Variants in ZMYND11 observed in about 807,000 individuals in gnomAD.
ZMYND11 encodes zinc finger MYND domain-containing protein 11.
In ZMYND11, 9 loss-of-function variants were observed where a neutral mutation model predicts 84.9. The observed-to-expected ratio is 0.11, with a 90% CI of 0.06 to 0.18. ZMYND11 has a LOEUF of 0.18. ZMYND11 is among the 10% of genes least tolerant of loss of function. The probability of loss-of-function intolerance (pLI) is 1.00; values close to 1 mark genes in which losing one functional copy is unlikely to be tolerated. For synonymous variants in ZMYND11, 250 were observed against 244.1 expected (o/e 1.02, Z -0.23); for missense variants, 409 against 761.0 (o/e 0.54, Z 5.44).
intron 1 of ZMYND11, among the ~76,000 whole-genome samples, chr10:147,580 A>C (rs1839201509): frequency 6.6e-6 from 1 of 151,018 alleles, no homozygotes; most frequent in Admixed American, 6.6e-5. Context: ...TTTAGTTCCA[A>C]GCCTCAGAAA....
At chr10:234,209 G>T (rs367591494) in intron 4 of ZMYND11, among the ~76,000 whole-genome samples, 1 of 152,210 alleles carries the variant, frequency 6.6e-6, no homozygotes, top group South Asian at 2.1e-4. Context: ...ACGTGAAAGC[G>T]CAGAAAGGAA....
chr10:173,035 GAAAAA>G (rs1218973523), intron 1 of ZMYND11, among the ~76,000 whole-genome samples: 1 of 125,746 alleles, frequency 8.0e-6, no homozygotes, highest in African/African-American at 3.0e-5. Context: ...TCCACTTTCA[GAAAAA>G]AAAAAAAAGA....
At chr10:149,284 T>G (rs570816452) in intron 1 of ZMYND11, among the ~76,000 whole-genome samples, 465 of 110,826 alleles carry the variant, frequency 4.2e-3, no homozygotes, top group Middle Eastern at 0.037. Flanking sequence ...CTGAGGTGGT[T>G]GTTATTATTA....
chr10:248,955 C>G lies in ZMYND11; in HGVS notation c.1553C>G (p.Ala518Gly), dbSNP rs745715509. 6 of 1,614,036 alleles carry G rather than the reference C, an allele frequency of 3.7e-6. No homozygotes were observed. The Admixed American group carries it at 8.3e-5, about 22-fold the overall frequency. Reference sequence around the variant, plus strand: ...AGACAAGCTGTAAATAAAGCTGTAGCCAACATGCAGGGTGAGATGGACAGA... The same window carrying G: ...AGACAAGCTGTAAATAAAGCTGTAGGCAACATGCAGGGTGAGATGGACAGA... The part of the protein sequence containing the change: ...EKRQAVNKAV[A>G]NMQGEMDRKC... The change falls in exon 14 of 15, where the codon GCC becomes GGC. Residue 518 changes from alanine to glycine, a missense_variant. By Grantham distance (60) the Ala-to-Gly change is moderately conservative (BLOSUM62 0). Around this residue, in one of 7 missense-constraint regions of ZMYND11, gnomAD observed 141 missense variants for 173.8 expected, o/e 0.81. Coordinates refer to ENST00000381604, the MANE Select transcript of ZMYND11 (RefSeq NM_001370100.5).
chr10:137,198 C>G (rs951055058), intron 1 of ZMYND11, among the ~76,000 whole-genome samples: 26 of 151,966 alleles, frequency 1.7e-4, no homozygotes, highest in Admixed American at 4.6e-4. Flanking sequence ...GTACACAGTA[C>G]CCACTGTCAT....
chr10:239,223 C>T (rs575736972), intron 6 of ZMYND11, among the ~76,000 whole-genome samples: 133 of 152,264 alleles, frequency 8.7e-4, no homozygotes, highest in African/African-American at 3.0e-3. Flanking sequence ...TTTGTGGCTG[C>T]GGGATATCTG....
chr10:233,549 C>G (rs533698856), intron 4 of ZMYND11, among the ~76,000 whole-genome samples: 11 of 152,310 alleles, frequency 7.2e-5, no homozygotes, highest in Non-Finnish European at 1.2e-4. Flanking sequence ...AGGTAGAAGA[C>G]ATTCCTGGGG....
intron 1 of ZMYND11, among the ~76,000 whole-genome samples, chr10:168,498 G>A (rs533764221): frequency 9.2e-5 from 14 of 152,146 alleles, no homozygotes; most frequent in African/African-American, 2.4e-4. Context: ...TGTTGGAGAA[G>A]AGAAAAATCC....
chr10:191,833 T>C (rs908863472), intron 2 of ZMYND11, among the ~76,000 whole-genome samples: 1 of 152,240 alleles, frequency 6.6e-6, no homozygotes, highest in Non-Finnish European at 1.5e-5. Context: ...TCAACCTTTT[T>C]CCATGTCATT....
At chr10:223,305 C>A (rs940019594) in intron 4 of ZMYND11, among the ~76,000 whole-genome samples, 1 of 152,142 alleles carries the variant, frequency 6.6e-6, no homozygotes, top group African/African-American at 2.4e-5. Context: ...TCCCAAAGTG[C>A]TGAGATTACT....
At position 248,248 on chromosome 10, in the gene ZMYND11, C is replaced by T. The variant is rs1463140647; in HGVS notation, c.1228-88C>T. 4.7e-6 allele frequency: 7 copies of T among 1,498,002 alleles called. No homozygotes were observed. The Admixed American group carries it at 1.4e-4, about 31-fold the overall frequency. The allele number at this position is 1,498,002 out of a possible 1,614,324, so 92.8% of individuals were successfully genotyped here. On this transcript the variant is annotated intron_variant, in intron 12 of 14. Coordinates refer to ENST00000381604, the MANE Select transcript of ZMYND11 (RefSeq NM_001370100.5). ...TTTATTCTATGGCTATTATGTATAT[C>T]ACTGAATTTTTATCCGAATGGGGTA...
rs1039268037 is a variant in ZMYND11 at position 252,651 on chromosome 10, CAG to C, written c.*182_*183del. The C allele has an allele frequency of 1.8e-4, 117 of 668,128 alleles. No individual in the cohort carries two copies. The highest frequency in any genetic ancestry group is 2.4e-4 in the Non-Finnish European group (107 of 439,140). 41.4% of individuals were successfully genotyped at this position (668,128 alleles called of 1,614,324 possible). A position where few individuals can be genotyped will look rare whatever the true frequency, so the allele number is the denominator to read the frequency against. ...TTGTTAATGCTCCTCCGAAGTTTTT[CAG>C]GGGGTAAAAGTAACATCAGTGGAGG... On this transcript the variant is annotated 3_prime_UTR_variant, in exon 15 of 15. Coordinates refer to ENST00000381604, the MANE Select transcript of ZMYND11 (RefSeq NM_001370100.5). The surrounding 1 kb of genome is among the most constrained non-coding windows in gnomAD (Gnocchi z 4.6).
intron 1 of ZMYND11, among the ~76,000 whole-genome samples, chr10:178,794 A>G (rs1847215767): frequency 6.6e-6 from 1 of 152,184 alleles, no homozygotes; most frequent in African/African-American, 2.4e-5. Context: ...TCTGAAAGAC[A>G]TCTTATTTTA....
In ZMYND11 at chr10:231,030, T is replaced by C. The variant is rs780538276; in HGVS notation, c.439-5808T>C. ...ATTGTTGAAGAAAAATGACAAATAA[T>C]ACTTTGTGACATGAAAATTATAAAA... is the stretch of plus-strand genomic sequence containing the variant. On this transcript the variant is annotated intron_variant, in intron 4 of 14. Coordinates refer to ENST00000381604, the MANE Select transcript of ZMYND11 (RefSeq NM_001370100.5). Among the ~76,000 whole-genome samples the C allele has an allele frequency of 3.3e-5, 5 of 152,226 alleles. No homozygotes were observed. The East Asian group carries it at 9.6e-4, about 29-fold the overall frequency.
chr10:167,527 T>A (rs1844290389), intron 1 of ZMYND11, among the ~76,000 whole-genome samples: 1 of 152,172 alleles, frequency 6.6e-6, no homozygotes, highest in South Asian at 2.1e-4. Context: ...CCTGTTTTGC[T>A]ATCAGGAACC....
intron 2 of ZMYND11, among the ~76,000 whole-genome samples, chr10:191,821 A>T (rs1326390952): frequency 6.6e-6 from 1 of 152,108 alleles, no homozygotes; most frequent in Admixed American, 6.5e-5. Context: ...TCTCAGCATC[A>T]TTCAACCTTT....
chr10:179,920 A>G, intron 1 of ZMYND11, 74 bp from the exon 2 acceptor site: 1 of 828,552 alleles, frequency 1.2e-6, no homozygotes, highest in Non-Finnish European at 1.9e-6. Context: ...AGGTCCTGAT[A>G]ATGTTACTCA....
At chr10:247,107 A>G in intron 11 of ZMYND11, 134 bp downstream of exon 11, 3 of 975,296 alleles carry the variant, frequency 3.1e-6, no homozygotes, top group Non-Finnish European at 4.6e-6. Flanking sequence ...AGTGCTCTGC[A>G]AAACTAAACC....
At chr10:211,109 T>C (rs1016641070) in intron 3 of ZMYND11, among the ~76,000 whole-genome samples, 3 of 152,130 alleles carry the variant, frequency 2.0e-5, no homozygotes, top group African/African-American at 7.2e-5. Flanking sequence ...GGAGGATCAC[T>C]TGAGCCCAGG....
Sources: allele counts gnomAD v4.1 joint callset (sites outside exome capture counted in the v4.1 genomes callset), GRCh38; gene constraint gnomAD v4.1.1; regional missense constraint gnomAD v4.1.1; non-coding constraint Gnocchi (gnomAD v3.1); transcripts MANE v1.5; gene names NCBI Gene and HGNC (gene_info 2026-07-23, HGNC 2026-07-21).